Variants in PCDHA6 observed in about 807,000 individuals in gnomAD.
PCDHA6 encodes protocadherin alpha-6.
In PCDHA6, 55 loss-of-function variants were observed where a neutral mutation model predicts 60.3. That is an observed-to-expected ratio of 0.91 (90% CI 0.73 to 1.14). The LOEUF (loss-of-function observed/expected upper bound fraction) is 1.14. Among genes scored for constraint, PCDHA6 ranks in the 50% most tolerant of loss-of-function variants. The pLI, the probability that PCDHA6 is intolerant of heterozygous loss-of-function variation, is 0.00. For missense variants in PCDHA6, 1,327 were observed against 1,256.5 expected (o/e 1.06, Z -0.85); for synonymous variants, 652 against 557.9 (o/e 1.17, Z -2.38).
chr5:140,883,457 C>A lies in PCDHA6; in HGVS notation c.2394+52972C>A, dbSNP rs142331981. 13 of 1,614,078 alleles carry A rather than the reference C, an allele frequency of 8.1e-6. No individual in the cohort carries two copies. Among genetic ancestry groups the A allele is most frequent in the Non-Finnish European group, 1.1e-5 (13 of 1,180,050 alleles). On this transcript the variant is annotated intron_variant, in intron 1 of 3. Transcript: ENST00000529310. ...CTTGACGCCGCATGTCCCCTTCAAG[C>A]TGGTGTCCACCTACAAGAACTACTA...
chr5:140,877,409 G>C lies in PCDHA6; in HGVS notation c.2394+46924G>C, dbSNP rs782157769. The C allele has an allele frequency of 8.1e-6, 13 of 1,613,802 alleles. No homozygotes were observed. The highest frequency in any genetic ancestry group is 1.0e-5 in the Non-Finnish European group (12 of 1,179,880). Reference sequence around the variant, plus strand: ...GATGAGGCGGACGCTCCGCGCCACCGCCTGCTGGTGCTGGTGAAGGACCAC... The same window carrying C: ...GATGAGGCGGACGCTCCGCGCCACCCCCTGCTGGTGCTGGTGAAGGACCAC... On this transcript the variant is annotated intron_variant, in intron 1 of 3. Transcript: ENST00000529310.
At position 140,871,935 on chromosome 5, in the gene PCDHA6, T is replaced by C. The variant is rs373740331; in HGVS notation, c.2394+41450T>C. The stretch of plus-strand genomic sequence containing the variant: ...GATATTTCCACATTGTTAGATCAAC[T>C]GGCTTTGTTTTTCTAAAGGGAGGAG... On this transcript the variant is annotated intron_variant, in intron 1 of 3. Coordinates refer to ENST00000529310, the MANE Select transcript of PCDHA6 (RefSeq NM_018909.4). Among the ~76,000 whole-genome samples, 4 of 152,380 alleles carry C rather than the reference T, an allele frequency of 2.6e-5. No individual in the cohort carries two copies. The East Asian group carries it at 7.7e-4, about 29-fold the overall frequency.
chr5:140,840,084 T>A (rs982040414), intron 1 of PCDHA6, among the ~76,000 whole-genome samples: 2 of 151,904 alleles, frequency 1.3e-5, no homozygotes, highest in Non-Finnish European at 2.9e-5. Context: ...AAAGATAAAC[T>A]TGTTGAAGAT....
chr5:140,861,445 G>A (rs1196401790), intron 1 of PCDHA6: 1 of 494,332 alleles, frequency 2.0e-6, no homozygotes, highest in Admixed American at 2.1e-5. Context: ...AAAAGCCGCA[G>A]AAACCTTCTG....
chr5:140,928,152 T>G, intron 1 of PCDHA6: 1 of 1,614,200 alleles, frequency 6.2e-7, no homozygotes, highest in East Asian at 2.2e-5. Context: ...CCTCAGATAG[T>G]GGCTCACCCC....
chr5:140,978,656 G>A (rs2096815434), intron 1 of PCDHA6, among the ~76,000 whole-genome samples: 1 of 152,248 alleles, frequency 6.6e-6, no homozygotes, highest in African/African-American at 2.4e-5. Flanking sequence ...TCTTCCCGTA[G>A]TGTTTTAAGA....
Position 140,828,206 on chromosome 5 carries a change from G to T in PCDHA6, c.115G>T (p.Ala39Ser). The T allele has an allele frequency of 6.2e-7, 1 of 1,614,036 alleles. No individual in the cohort carries two copies. Among genetic ancestry groups the T allele is most frequent in the Non-Finnish European group, 8.5e-7 (1 of 1,180,044 alleles). Reference protein sequence around the residue: ...GQLHYSVPEEAKHGTFVGRIA... With the variant: ...GQLHYSVPEESKHGTFVGRIA... Reference sequence around the variant, plus strand: ...GCTCCACTACTCCGTACCCGAGGAGGCCAAACACGGCACCTTCGTGGGCCG... The same window carrying T: ...GCTCCACTACTCCGTACCCGAGGAGTCCAAACACGGCACCTTCGTGGGCCG... The change falls in exon 1 of 4, where the codon GCC becomes TCC. Residue 39 changes from alanine (A) to serine (S), a missense_variant. Physicochemically the swap from Ala to Ser is moderately conservative, Grantham distance 99. Coordinates refer to ENST00000529310, the MANE Select transcript of PCDHA6 (RefSeq NM_018909.4).
rs1418351723 is a variant in PCDHA6, at chr5:140,828,502, A to G, written c.411A>G (p.Glu137=). 6.2e-7 allele frequency: 1 copy of G among 1,614,104 alleles called. No homozygotes were observed. Among genetic ancestry groups the G allele is most frequent in the African/African-American group, 1.3e-5 (1 of 74,948 alleles). The change falls in exon 1 of 4, where the codon GAA becomes GAG. Residue 137 remains glutamate (E), a synonymous_variant. Transcript: ENST00000529310. ...ACCCGCCCTTGTTCCCGGTAGAGGAACAAAGAGTGCTGATTTACGAATCTA... is the reference window on the plus strand; with the variant it reads ...ACCCGCCCTTGTTCCCGGTAGAGGAGCAAAGAGTGCTGATTTACGAATCTA... ...NDNPPLFPVE[E]QRVLIYESRL... is the part of the protein sequence containing the mutation.
At chr5:140,946,752 A>C (rs1470208958) in intron 1 of PCDHA6, among the ~76,000 whole-genome samples, 1 of 151,470 alleles carries the variant, frequency 6.6e-6, no homozygotes, top group East Asian at 1.9e-4. Context: ...CAAATACTGC[A>C]TGATCTCATT....
At chr5:140,918,007 G>C (rs1313004826) in intron 1 of PCDHA6, among the ~76,000 whole-genome samples, 1 of 151,954 alleles carries the variant, frequency 6.6e-6, no homozygotes, top group Non-Finnish European at 1.5e-5. Context: ...TAACAATGTT[G>C]TTTCTTCCTA....
intron 1 of PCDHA6, among the ~76,000 whole-genome samples, chr5:140,952,668 T>C (rs960968372): frequency 6.6e-6 from 1 of 152,234 alleles, no homozygotes. Context: ...CAAAGTCACT[T>C]TCACATTTTC....
At position 140,856,636 on chromosome 5, in the gene PCDHA6, G is replaced by A. The variant is rs368149411; in HGVS notation, c.2394+26151G>A. 231 of 1,598,104 alleles carry A rather than the reference G, an allele frequency of 1.4e-4. 24 individuals are homozygous for A. The highest frequency in any genetic ancestry group is 1.6e-4 in the Non-Finnish European group (182 of 1,167,716). The stretch of plus-strand genomic sequence containing the variant: ...ACAAATTCCCAGTGCTTGTTCTGCG[G>A]AAGCTGCTGGATCGTGAAGAAAATC... On this transcript the variant is annotated intron_variant, in intron 1 of 3. Coordinates refer to ENST00000529310, the MANE Select transcript of PCDHA6 (RefSeq NM_018909.4).
intron 1 of PCDHA6, among the ~76,000 whole-genome samples, chr5:140,970,696 C>T (rs2096425637): frequency 6.6e-6 from 1 of 152,144 alleles, no homozygotes; most frequent in Admixed American, 6.5e-5. Flanking sequence ...GCTTTTAGAG[C>T]TACTACACAA....
intron 1 of PCDHA6, chr5:140,882,011 ATAC>A (rs1437092618): frequency 3.8e-6 from 2 of 531,314 alleles, no homozygotes; most frequent in Admixed American, 3.8e-5. Flanking sequence ...GGGCAAAAAA[ATAC>A]TACATCAATG....
chr5:140,844,829 G>T (rs1252495421), intron 1 of PCDHA6, among the ~76,000 whole-genome samples: 2 of 148,848 alleles, frequency 1.3e-5, no homozygotes, highest in Non-Finnish European at 3.0e-5. Flanking sequence ...CTTTTTACAC[G>T]TTTGCTTCTT....
In PCDHA6 at chr5:140,945,865, A is replaced by T. The variant is rs184952981; in HGVS notation, c.2395-33084A>T. ...ATTAAAGACTTAAACATAGACCTGAAATTGTAAAACTAACAAAGAAAACAC... is the reference window on the plus strand; with the variant it reads ...ATTAAAGACTTAAACATAGACCTGATATTGTAAAACTAACAAAGAAAACAC... On this transcript the variant is annotated intron_variant, in intron 1 of 3. Coordinates refer to ENST00000529310, the MANE Select transcript of PCDHA6 (RefSeq NM_018909.4). Among the ~76,000 whole-genome samples, 23 of 152,290 alleles carry T rather than the reference A, an allele frequency of 1.5e-4. No individual in the cohort carries two copies. The East Asian group carries it at 4.2e-3, about 28-fold the overall frequency.
intron 1 of PCDHA6, chr5:140,849,585 C>G (rs147876741): frequency 6.3e-7 from 1 of 1,598,624 alleles, no homozygotes; most frequent in African/African-American, 1.3e-5. Flanking sequence ...AGAGGACGCA[C>G]AACTGGGGAC....
intron 3 of PCDHA6, among the ~76,000 whole-genome samples, chr5:140,988,630 G>A (rs184253041): frequency 3.1e-4 from 47 of 152,192 alleles, no homozygotes; most frequent in African/African-American, 1.1e-3. Context: ...AGATGTCCTG[G>A]TTTTCTGAAA....
Position 140,853,795 on chromosome 5 carries a change from T to C in PCDHA6, c.2394+23310T>C. On this transcript the variant is annotated intron_variant, in intron 1 of 3. Coordinates refer to ENST00000529310, the MANE Select transcript of PCDHA6 (RefSeq NM_018909.4). ...AATGGGTAGTAAGAGCAAATTTTCA[T>C]TTTAAAGCACACCTGAGATGATTCT... is the stretch of plus-strand genomic sequence containing the variant. 3 of 987,582 alleles carry C rather than the reference T, an allele frequency of 3.0e-6. 1 individual carries two copies. The highest frequency in any genetic ancestry group is 3.7e-6 in the Non-Finnish European group (3 of 819,504). The allele number at this position is 987,582 out of a possible 1,614,324, so 61.2% of individuals were successfully genotyped here.
Sources: gnomAD v4.1 joint callset for allele counts (sites outside exome capture counted in the v4.1 genomes callset) on GRCh38, gnomAD v4.1.1 for gene constraint, MANE v1.5 for transcripts, NCBI Gene and HGNC (gene_info 2026-07-23, HGNC 2026-07-21) for gene names.